Variants in HDAC9 observed in about 807,000 individuals in gnomAD.
HDAC9 encodes MEF-2 interacting transcription repressor (MITR) protein.
In HDAC9, 41 loss-of-function variants were observed where a neutral mutation model predicts 139.4. The observed-to-expected ratio is 0.29, with a 90% CI of 0.23 to 0.38. The LOEUF (loss-of-function observed/expected upper bound fraction) is 0.38. Among genes scored for constraint, HDAC9 ranks in the 10% least tolerant of loss-of-function variants. HDAC9 has a pLI of 1.00. For missense variants in HDAC9, 1,147 were observed against 1,297.0 expected, an observed-to-expected ratio of 0.88 and a Z score of 1.78; for synonymous variants, 517 against 476.2, an observed-to-expected ratio of 1.09 and a Z score of -1.12.
intron 2 of HDAC9, among the ~76,000 whole-genome samples, chr7:18,244,273 C>T (rs1016885480): frequency 1.3e-5 from 2 of 151,944 alleles, no homozygotes; most frequent in Non-Finnish European, 2.9e-5. Flanking sequence ...AATTTCAGGG[C>T]CAAACACAAA....
intron 1 of HDAC9, among the ~76,000 whole-genome samples, chr7:18,401,392 G>C (rs1164259787): frequency 6.6e-6 from 1 of 152,192 alleles, no homozygotes; most frequent in Non-Finnish European, 1.5e-5. Flanking sequence ...GAGGAGCAAA[G>C]AGTGGCTATG....
At position 18,692,183 on chromosome 7, in the gene HDAC9, C is replaced by G. The variant is rs1353866767; in HGVS notation, c.1731+25707C>G. 4.6e-5 allele frequency among the ~76,000 whole-genome samples: 7 copies of G among 152,144 alleles called. No individual in the cohort carries two copies. In the South Asian group the frequency reaches 1.5e-3, roughly 32 times the overall value. The stretch of plus-strand genomic sequence containing the variant: ...CTTAAGAATACTCAGAAGGAAAAAG[C>G]CTGGATGACTTAAGAGAAAACTTTC... On this transcript the variant is annotated intron_variant, in intron 12 of 25. Coordinates refer to ENST00000686413, the MANE Select transcript of HDAC9 (RefSeq NM_178425.4).
chr7:18,702,162 C>T (rs1783546319), intron 12 of HDAC9, among the ~76,000 whole-genome samples: 1 of 152,190 alleles, frequency 6.6e-6, no homozygotes, highest in East Asian at 1.9e-4. Flanking sequence ...CAGGCTGTCG[C>T]TTGTGCCAGA....
In HDAC9 at chr7:18,557,343, T is replaced by G. The variant is rs1032788630; in HGVS notation, c.23-27938T>G. On this transcript the variant is annotated intron_variant, in intron 2 of 25. Coordinates refer to ENST00000686413, the MANE Select transcript of HDAC9 (RefSeq NM_178425.4). ...ACAACTTTAAAGCAATGATGAGTTT[T>G]TTTTTTTTTTTTTATATCTAACCTT... 1.7e-4 allele frequency among the ~76,000 whole-genome samples: 26 copies of G among 149,404 alleles called. No homozygotes were observed. The East Asian group carries it at 2.0e-3, about 11-fold the overall frequency.
chr7:18,180,066 A>G (rs1211652470), intron 2 of HDAC9, among the ~76,000 whole-genome samples: 1 of 152,146 alleles, frequency 6.6e-6, no homozygotes, highest in African/African-American at 2.4e-5. Context: ...CTCACTTTTG[A>G]GCACATAGAA....
chr7:18,173,775 ACT>A (rs1339632171), intron 2 of HDAC9, among the ~76,000 whole-genome samples: 1 of 152,058 alleles, frequency 6.6e-6, no homozygotes, highest in African/African-American at 2.4e-5. Flanking sequence ...TTTGGCCCCC[ACT>A]CTCTTCTGGC....
chr7:18,863,121 C>T (rs1798236776), intron 21 of HDAC9, among the ~76,000 whole-genome samples: 1 of 152,180 alleles, frequency 6.6e-6, no homozygotes, highest in Non-Finnish European at 1.5e-5. Context: ...GGCTCATAAA[C>T]AGTGAAGCCA....
chr7:18,464,705 G>T (rs545458064), intron 1 of HDAC9, among the ~76,000 whole-genome samples: 1 of 152,150 alleles, frequency 6.6e-6, no homozygotes, highest in South Asian at 2.1e-4. Flanking sequence ...AATGATTCAA[G>T]TGTGGTCTTT....
chr7:18,811,286 A>G (rs74564671), intron 17 of HDAC9, among the ~76,000 whole-genome samples: 2,432 of 151,444 alleles, frequency 0.016, 60 homozygotes, highest in African/African-American at 0.056. Context: ...TCCAGACAAT[A>G]TGTTTTATTT....
chr7:18,475,916 G>A (rs1326347556), intron 1 of HDAC9, among the ~76,000 whole-genome samples: 3 of 152,148 alleles, frequency 2.0e-5, no homozygotes, highest in African/African-American at 4.8e-5. Context: ...GATTAAAATG[G>A]CATAGTTAGG....
At chr7:18,879,842 A>C (rs1799593387) in intron 22 of HDAC9, among the ~76,000 whole-genome samples, 1 of 152,230 alleles carries the variant, frequency 6.6e-6, no homozygotes. Context: ...GCCTCTGCAC[A>C]GCAAAAGAAA....
At chr7:18,253,940 A>G (rs1795080952) in intron 2 of HDAC9, among the ~76,000 whole-genome samples, 1 of 152,214 alleles carries the variant, frequency 6.6e-6, no homozygotes, top group African/African-American at 2.4e-5. Flanking sequence ...CACTTAACTT[A>G]AAGGAGCCTG....
Position 18,302,801 on chromosome 7 carries a change from C to T in HDAC9, c.-42+12286C>T, listed in dbSNP as rs113541132. On this transcript the variant is annotated intron_variant, in intron 1 of 3. Coordinates refer to the HDAC9 transcript ENST00000413509. ...CAGTGTTTGGGGCCTAGGGAGTGCT[C>T]AGTAGTCATTTGAGTGACTTTAGGC... Among the ~76,000 whole-genome samples, 248 of 152,264 alleles carry T rather than the reference C, an allele frequency of 1.6e-3. 1 individual carries two copies. The highest frequency in any genetic ancestry group is 5.7e-3 in the African/African-American group (236 of 41,546).
intron 1 of HDAC9, among the ~76,000 whole-genome samples, chr7:18,113,726 T>A (rs1783781418): frequency 6.6e-6 from 1 of 152,276 alleles, no homozygotes; most frequent in African/African-American, 2.4e-5. Context: ...ACTGTCTTAG[T>A]TCTATTAGTT....
chr7:18,665,254 G>A (rs1194838213), intron 11 of HDAC9, among the ~76,000 whole-genome samples: 2 of 152,136 alleles, frequency 1.3e-5, no homozygotes, highest in African/African-American at 2.4e-5. Context: ...CACTGACTTA[G>A]CAGAAAACTT....
intron 23 of HDAC9, among the ~76,000 whole-genome samples, chr7:18,938,930 T>C (rs547933559): frequency 7.2e-5 from 11 of 152,298 alleles, no homozygotes; most frequent in Non-Finnish European, 1.5e-4. Flanking sequence ...AGACCAGGCT[T>C]GAGAAAGAGA....
intron 2 of HDAC9, among the ~76,000 whole-genome samples, chr7:18,541,148 T>TTG (rs1398392989): frequency 1.4e-5 from 2 of 147,070 alleles, no homozygotes; most frequent in East Asian, 2.0e-4. Context: ...CGTGTTTTTT[T>TTG]TTTTTTTTTT....
intron 1 of HDAC9, among the ~76,000 whole-genome samples, chr7:18,484,803 T>C (rs1795847873): frequency 6.6e-6 from 1 of 151,436 alleles, no homozygotes; most frequent in Admixed American, 6.6e-5. Context: ...TAGTAAACTA[T>C]GATTATGCTA....
At position 18,337,626 on chromosome 7, in the gene HDAC9, C is replaced by T. The variant is rs903326620; in HGVS notation, c.-42+47111C>T. On this transcript the variant is annotated intron_variant, in intron 1 of 3. Transcript: ENST00000413509. Reference sequence around the variant, plus strand: ...GGCCAGCCTGATCATCTGGTAACAGCGTAAGACTTGCAGCGTGTGTATGTG... The same window carrying T: ...GGCCAGCCTGATCATCTGGTAACAGTGTAAGACTTGCAGCGTGTGTATGTG... Among the ~76,000 whole-genome samples, 28 of 151,640 alleles carry T rather than the reference C, an allele frequency of 1.8e-4. 1 individual carries two copies. Among genetic ancestry groups the T allele is most frequent in the Admixed American group, 9.9e-4 (15 of 15,168 alleles).
Sources: gnomAD v4.1 joint callset for allele counts (sites outside exome capture counted in the v4.1 genomes callset) on GRCh38, gnomAD v4.1.1 for gene constraint, MANE v1.5 for transcripts, NCBI Gene and HGNC (gene_info 2026-07-23, HGNC 2026-07-21) for gene names.